Variants in PTPRZ1 observed in about 807,000 individuals in gnomAD.
PTPRZ1 encodes the protein protein tyrosine phosphatase receptor type Z1.
PTPRZ1 carries 82 observed loss-of-function variants against 214.1 expected under a neutral mutation model. The observed-to-expected ratio is 0.38, with a 90% CI of 0.32 to 0.46. The LOEUF is 0.46. PTPRZ1 is among the 20% of genes least tolerant of loss of function. The pLI is 1.00. For missense variants in PTPRZ1, 2,603 were observed against 2,748.7 expected (o/e 0.95, Z 1.19); for synonymous variants, 945 against 987.9 (o/e 0.96, Z 0.81).
At chr7:121,959,218 C>A (rs1186278347) in intron 2 of PTPRZ1, among the ~76,000 whole-genome samples, 1 of 152,304 alleles carries the variant, frequency 6.6e-6, no homozygotes, top group East Asian at 1.9e-4. Context: ...TGACCTGTAA[C>A]CCCCTGCCAA....
In PTPRZ1 at chr7:121,983,888, T is replaced by A. The variant is rs1797693192; in HGVS notation, c.777+66T>A. The A allele has an allele frequency of 3.8e-6, 6 of 1,589,192 alleles. No individual in the cohort carries two copies. In the South Asian group the frequency reaches 6.8e-5, roughly 18 times the overall value. ...ATTTAAAAAACATTATGTTCTAAGT[T>A]TGCTATAAAATATCCATTTTAAAGC... On this transcript the variant is annotated intron_variant, in intron 7 of 29. Transcript: ENST00000393386.
intron 2 of PTPRZ1, among the ~76,000 whole-genome samples, chr7:121,946,845 T>C (rs1023647521): frequency 6.6e-6 from 1 of 152,230 alleles, no homozygotes; most frequent in Non-Finnish European, 1.5e-5. Flanking sequence ...TAAAAATGCA[T>C]AACCTGAAGA....
chr7:121,876,733 C>T (rs1257150704), intron 1 of PTPRZ1, among the ~76,000 whole-genome samples: 4 of 152,082 alleles, frequency 2.6e-5, no homozygotes, highest in Non-Finnish European at 2.9e-5. Flanking sequence ...CTCCTTTTTA[C>T]GTATACTGTG....
At chr7:121,983,365 A>G (rs1797670888) in intron 6 of PTPRZ1, among the ~76,000 whole-genome samples, 1 of 152,224 alleles carries the variant, frequency 6.6e-6, no homozygotes. Context: ...ATTGAGTCTT[A>G]TGAAATGATA....
Position 121,983,977 on chromosome 7 carries a change from T to A in PTPRZ1, c.788T>A (p.Phe263Tyr). ...TGATCTTTTTTTCAGTTGGCTGTTTTTTGTGAAGTTCTTACAATGCAACAA... is the reference window on the plus strand; with the variant it reads ...TGATCTTTTTTTCAGTTGGCTGTTTATTGTGAAGTTCTTACAATGCAACAA... ...VSISESQLAV[F>Y]CEVLTMQQSG... The change falls in exon 8 of 30, where the codon TTT becomes TAT. Residue 263 changes from phenylalanine to tyrosine, a missense_variant. This residue lies in a region of PTPRZ1 where 244 missense variants were observed against 333.2 expected (regional missense o/e 0.73). Coordinates refer to ENST00000393386, the MANE Select transcript of PTPRZ1 (RefSeq NM_002851.3). The A allele has an allele frequency of 6.2e-7, 1 of 1,611,656 alleles. No homozygotes were observed. The highest frequency in any genetic ancestry group is 8.5e-7 in the Non-Finnish European group (1 of 1,179,126).
chr7:122,054,839 G>T, intron 26 of PTPRZ1, 102 bp from the exon 27 acceptor site: 1 of 1,155,126 alleles, frequency 8.7e-7, no homozygotes, highest in South Asian at 1.8e-5. Context: ...AAGAAAAATT[G>T]GAGTTGAAAT....
chr7:122,012,419 G>A lies in PTPRZ1; in HGVS notation c.3373G>A (p.Val1125Ile). 6.2e-7 allele frequency: 1 copy of A among 1,613,854 alleles called. No homozygotes were observed. Among genetic ancestry groups the A allele is most frequent in the Non-Finnish European group, 8.5e-7 (1 of 1,179,910 alleles). The change falls in exon 12 of 30, where the codon GTT (valine) becomes ATT (isoleucine). Residue 1125 changes from valine to isoleucine, a missense_variant. Around this residue, in one of 6 missense-constraint regions of PTPRZ1, gnomAD observed 1,913 missense variants for 1,914.3 expected, o/e 1.00. Transcript: ENST00000393386. Reference protein sequence around the residue: ...ISQVPENNFSVQPTHTVSQAS... With the variant: ...ISQVPENNFSIQPTHTVSQAS... Reference sequence around the variant, plus strand: ...TCAAGTTCCAGAAAATAACTTTTCAGTTCAACCTACACATACTGTCTCTCA... The same window carrying A: ...TCAAGTTCCAGAAAATAACTTTTCAATTCAACCTACACATACTGTCTCTCA...
chr7:122,038,657 T>C, intron 18 of PTPRZ1, 98 bp from the exon 19 acceptor site: 2 of 1,196,818 alleles, frequency 1.7e-6, no homozygotes, highest in Non-Finnish European at 2.3e-6. Flanking sequence ...GGTTTTCTTT[T>C]ACGAAAAATT....
intron 8 of PTPRZ1, among the ~76,000 whole-genome samples, chr7:121,991,030 T>C (rs1200462471): frequency 6.6e-6 from 1 of 152,182 alleles, no homozygotes; most frequent in Non-Finnish European, 1.5e-5. Context: ...AAATCAGACC[T>C]TAAAGTTCAG....
chr7:121,985,905 C>T (rs1360355753), intron 8 of PTPRZ1, among the ~76,000 whole-genome samples: 1 of 152,178 alleles, frequency 6.6e-6, no homozygotes, highest in African/African-American at 2.4e-5. Context: ...GTAAATAAGT[C>T]TTTTATCTCT....
intron 1 of PTPRZ1, among the ~76,000 whole-genome samples, chr7:121,909,671 T>C (rs1174303795): frequency 6.6e-6 from 1 of 152,188 alleles, no homozygotes; most frequent in Admixed American, 6.6e-5. Flanking sequence ...AAATATGATA[T>C]TTATACTCTA....
chr7:122,032,136 A>G (rs562864465), intron 15 of PTPRZ1: 28 of 152,258 alleles, frequency 1.8e-4, no homozygotes, highest in African/African-American at 4.8e-4. Flanking sequence ...TTTACTGCAA[A>G]TTTATCATGG....
At chr7:121,915,523 T>C (rs943298296) in intron 1 of PTPRZ1, among the ~76,000 whole-genome samples, 6 of 152,192 alleles carry the variant, frequency 3.9e-5, no homozygotes, top group African/African-American at 1.4e-4. Context: ...TTAAAATAAA[T>C]TGTATTTCAG....
chr7:122,011,658 C>T lies in PTPRZ1; in HGVS notation c.2612C>T (p.Pro871Leu), dbSNP rs1309384113. 1 of 1,614,012 alleles carries T rather than the reference C, an allele frequency of 6.2e-7. No homozygotes were observed. Among genetic ancestry groups the T allele is most frequent in the East Asian group, 2.2e-5 (1 of 44,844 alleles). ...GCTGGGGGTGATTTGCTATTAGAGC[C>T]CAGCCTTGCTCAGTATTCTGATGTG... ...PVAGGDLLLE[P>L]SLAQYSDVLS... is the part of the protein sequence containing the mutation. Residue 871 changes from proline (P) to leucine (L), a missense_variant, in exon 12 of 30, where the codon CCC (proline) becomes CTC (leucine). By Grantham distance (98) the Pro-to-Leu change is moderately conservative. Transcript: ENST00000393386.
At chr7:121,945,201 T>G (rs900741807) in intron 2 of PTPRZ1, among the ~76,000 whole-genome samples, 4 of 152,140 alleles carry the variant, frequency 2.6e-5, no homozygotes, top group Non-Finnish European at 5.9e-5. Flanking sequence ...TAAAAAAGAC[T>G]AAGTGCCCCA....
At chr7:121,980,065 T>G (rs1187000746) in intron 6 of PTPRZ1, among the ~76,000 whole-genome samples, 1 of 152,156 alleles carries the variant, frequency 6.6e-6, no homozygotes, top group Non-Finnish European at 1.5e-5. Flanking sequence ...TTGCTTCTTT[T>G]TAAATTTTTT....
intron 2 of PTPRZ1, among the ~76,000 whole-genome samples, chr7:121,938,749 G>T (rs535676153): frequency 3.9e-5 from 6 of 152,116 alleles, no homozygotes; most frequent in African/African-American, 1.4e-4. Context: ...AGGACGGGGT[G>T]GGGGTGGAGA....
chr7:122,039,293 T>A (rs917710266), intron 19 of PTPRZ1, among the ~76,000 whole-genome samples, 161 bp from the exon 20 acceptor site: 2 of 152,154 alleles, frequency 1.3e-5, no homozygotes, highest in African/African-American at 4.8e-5. Context: ...ATCCCTAGCC[T>A]CCTCCACAAC....
At chr7:122,059,562 G>A (rs2150497056) in intron 28 of PTPRZ1, 191 bp from the exon 29 acceptor site, 1 of 596,052 alleles carries the variant, frequency 1.7e-6, no homozygotes, top group Non-Finnish European at 2.8e-6. Flanking sequence ...TTCCACTATT[G>A]ATATCATGAA....
Sources: allele counts gnomAD v4.1 joint callset (sites outside exome capture counted in the v4.1 genomes callset), GRCh38; gene constraint gnomAD v4.1.1; regional missense constraint gnomAD v4.1.1; transcripts MANE v1.5; gene names NCBI Gene and HGNC (gene_info 2026-07-23, HGNC 2026-07-21).